SLCO3A1: variants seen among roughly 807,000 people sequenced by gnomAD.
The protein encoded by SLCO3A1 is solute carrier organic anion transporter family member 3A1, also known as PGE1 transporter.
In SLCO3A1, 27 loss-of-function variants were observed where a neutral mutation model predicts 63.1. That is an observed-to-expected ratio of 0.43 (90% CI 0.32 to 0.59). The LOEUF is 0.59. SLCO3A1 is among the 20% of genes least tolerant of loss of function. SLCO3A1 has a pLI of 0.09. For synonymous variants in SLCO3A1, 473 were observed against 409.9 expected (o/e 1.15, Z -1.86); for missense variants, 773 against 945.8 (o/e 0.82, Z 2.40).
chr15:91,859,538 T>C lies in SLCO3A1; in HGVS notation c.180+5450T>C, dbSNP rs1489039003. Among the ~76,000 whole-genome samples the C allele has an allele frequency of 6.6e-6, 1 of 152,206 alleles. No homozygotes were observed. The highest frequency in any genetic ancestry group is 1.5e-5 in the Non-Finnish European group (1 of 68,032). On this transcript the variant is annotated intron_variant, in intron 1 of 9. Coordinates refer to ENST00000318445, the MANE Select transcript of SLCO3A1 (RefSeq NM_013272.4). The surrounding 1 kb of genome is among the most constrained non-coding windows in gnomAD (Gnocchi z 5.1). ...CAGTTCCAAGGTGGAGAAAGGCAAG[T>C]GTCTGTGGCAGCTGTCGCTTATTCG...
chr15:92,096,321 A>G (rs1350126501), intron 3 of SLCO3A1, among the ~76,000 whole-genome samples: 1 of 152,204 alleles, frequency 6.6e-6, no homozygotes, highest in Non-Finnish European at 1.5e-5. Context: ...CAGAAGTGAC[A>G]TCTCATTACT....
intron 9 of SLCO3A1, chr15:92,162,419 G>T (rs2048451197): frequency 9.3e-6 from 2 of 214,388 alleles, no homozygotes; most frequent in Admixed American, 1.1e-4. Flanking sequence ...CAAAGTGCTG[G>T]AATTACAGGT....
chr15:91,988,747 A>G (rs1050192723), intron 2 of SLCO3A1, among the ~76,000 whole-genome samples: 1 of 152,192 alleles, frequency 6.6e-6, no homozygotes, highest in African/African-American at 2.4e-5. Flanking sequence ...CTGCTGGTCC[A>G]GGAACCAGGC....
rs1597246320 is a variant in SLCO3A1, at chr15:92,037,340, G to T, written c.647-57541G>T. On this transcript the variant is annotated intron_variant, in intron 2 of 9. Coordinates refer to ENST00000318445, the MANE Select transcript of SLCO3A1 (RefSeq NM_013272.4). ...CCCTCCAAACAGCTCTCTCTGTATA[G>T]ATAGGAACCTGATGCTCAGAGACTG... is the stretch of plus-strand genomic sequence containing the variant. Among the ~76,000 whole-genome samples, 3 of 152,160 alleles carry T rather than the reference G, an allele frequency of 2.0e-5. No individual in the cohort carries two copies. The South Asian group carries it at 6.2e-4, about 32-fold the overall frequency.
intron 2 of SLCO3A1, among the ~76,000 whole-genome samples, chr15:91,952,813 C>G (rs1900043171): frequency 6.6e-6 from 1 of 152,164 alleles, no homozygotes; most frequent in Non-Finnish European, 1.5e-5. Flanking sequence ...TTTCCTCCTG[C>G]CCCTAGTGCC....
At chr15:92,117,682 G>T (rs950743867) in intron 4 of SLCO3A1, among the ~76,000 whole-genome samples, 7 of 152,106 alleles carry the variant, frequency 4.6e-5, no homozygotes, top group Non-Finnish European at 5.9e-5. Context: ...TGGCCGACAG[G>T]TCTCCTGCCA....
rs1393090518 is a variant in SLCO3A1, at chr15:91,883,560, G to A, written c.180+29472G>A. Among the ~76,000 whole-genome samples the A allele has an allele frequency of 6.6e-6, 1 of 152,128 alleles. No homozygotes were observed. The highest frequency in any genetic ancestry group is 1.5e-5 in the Non-Finnish European group (1 of 68,026). On this transcript the variant is annotated intron_variant, in intron 1 of 9. Coordinates refer to ENST00000318445, the MANE Select transcript of SLCO3A1 (RefSeq NM_013272.4). This position sits in a 1 kb window ranked among gnomAD's most constrained non-coding sequence, Gnocchi z 4.8. ...AGGGAGTTCTACCTCTCAGGTATTTGTAATTATTTTATGCCATTATATACC... is the reference window on the plus strand; with the variant it reads ...AGGGAGTTCTACCTCTCAGGTATTTATAATTATTTTATGCCATTATATACC...
At chr15:92,094,024 C>T (rs1022605005) in intron 2 of SLCO3A1, among the ~76,000 whole-genome samples, 1 of 152,146 alleles carries the variant, frequency 6.6e-6, no homozygotes, top group African/African-American at 2.4e-5. Flanking sequence ...CTTATTTTTG[C>T]CTCCAGGGCC....
chr15:92,029,307 G>A (rs2046616695), intron 2 of SLCO3A1, among the ~76,000 whole-genome samples: 2 of 152,188 alleles, frequency 1.3e-5, no homozygotes, highest in African/African-American at 2.4e-5. Context: ...AGCTATCAGG[G>A]ATTGTTTTGC....
intron 2 of SLCO3A1, among the ~76,000 whole-genome samples, chr15:91,925,138 G>C (rs1055607354): frequency 1.3e-5 from 2 of 152,216 alleles, no homozygotes; most frequent in African/African-American, 4.8e-5. Flanking sequence ...CACAGGTATT[G>C]TTCTTAAAAA....
At chr15:91,976,675 A>G (rs1901125167) in intron 2 of SLCO3A1, among the ~76,000 whole-genome samples, 1 of 152,198 alleles carries the variant, frequency 6.6e-6, no homozygotes, top group South Asian at 2.1e-4. Flanking sequence ...TGAGAAATAA[A>G]GGGACAGAGT....
intron 2 of SLCO3A1, among the ~76,000 whole-genome samples, chr15:91,987,420 TTA>T (rs1195638122): frequency 6.6e-6 from 1 of 152,136 alleles, no homozygotes; most frequent in African/African-American, 2.4e-5. Context: ...CTCTTGGAAT[TTA>T]TGTATTATTG....
At chr15:92,098,556 C>T (rs2047567302) in intron 3 of SLCO3A1, among the ~76,000 whole-genome samples, 1 of 152,188 alleles carries the variant, frequency 6.6e-6, no homozygotes, top group East Asian at 1.9e-4. Flanking sequence ...CTAATCACTG[C>T]CTTGGCCAAC....
intron 9 of SLCO3A1, among the ~76,000 whole-genome samples, chr15:92,157,654 T>C (rs1488266780): frequency 6.6e-6 from 1 of 152,084 alleles, no homozygotes; most frequent in Non-Finnish European, 1.5e-5. Context: ...GGGGTTATTA[T>C]TCACTGAATC....
chr15:91,909,148 C>A (rs1464444073), intron 1 of SLCO3A1, among the ~76,000 whole-genome samples: 3 of 152,198 alleles, frequency 2.0e-5, no homozygotes, highest in African/African-American at 7.2e-5. Flanking sequence ...GTTACAGCAA[C>A]AGGAGTGCTT....
rs190093934 is a variant in SLCO3A1, at chr15:92,028,009, T to C, written c.647-66872T>C. Among the ~76,000 whole-genome samples the C allele has an allele frequency of 1.6e-4, 25 of 152,284 alleles. No individual in the cohort carries two copies. In the East Asian group the frequency reaches 1.7e-3, roughly 11 times the overall value. ...CGTTCGGCTCAATCTGCACAAACCA[T>C]GTTGAGAATCTTCCCTAGAATTTCT... On this transcript the variant is annotated intron_variant, in intron 2 of 9. Transcript: ENST00000318445.
In SLCO3A1 at chr15:92,164,448, G is replaced by C. The variant is rs182156612; in HGVS notation, c.*1313G>C. On this transcript the variant is annotated 3_prime_UTR_variant, in exon 10 of 10. Coordinates refer to ENST00000318445, the MANE Select transcript of SLCO3A1 (RefSeq NM_013272.4). ...CCTTCCCCATGATTCAGTGATCACT[G>C]TCACGGGAAACCCTTTTATATTCAT... 2.0e-6 allele frequency: 2 copies of C among 985,418 alleles called. No homozygotes were observed. Among genetic ancestry groups the C allele is most frequent in the East Asian group, 2.3e-4 (2 of 8,808 alleles). 61.0% of individuals were successfully genotyped at this position (985,418 alleles called of 1,614,324 possible).
intron 2 of SLCO3A1, among the ~76,000 whole-genome samples, chr15:92,027,900 G>A (rs1257227951): frequency 6.6e-6 from 1 of 152,208 alleles, no homozygotes; most frequent in Non-Finnish European, 1.5e-5. Flanking sequence ...GGTAAGGCAC[G>A]AATGTGCAAG....
At chr15:92,081,086 T>C (rs1025429124) in intron 2 of SLCO3A1, among the ~76,000 whole-genome samples, 7 of 152,020 alleles carry the variant, frequency 4.6e-5, no homozygotes, top group Non-Finnish European at 7.4e-5. Context: ...ATCATTTCTT[T>C]GTGTTACCGA....
Sources: gnomAD v4.1 joint callset for allele counts (sites outside exome capture counted in the v4.1 genomes callset) on GRCh38, gnomAD v4.1.1 for gene constraint, Gnocchi (gnomAD v3.1) non-coding constraint, MANE v1.5 for transcripts, NCBI Gene and HGNC (gene_info 2026-07-23, HGNC 2026-07-21) for gene names.